MPI: variants seen among roughly 807,000 people sequenced by gnomAD.
MPI encodes mannose phosphate isomerase.
In MPI, 33 loss-of-function variants were observed where a neutral mutation model predicts 40.1. The ratio of observed to expected loss-of-function variants is 0.82; its 90% confidence interval spans 0.62 to 1.10. The LOEUF (loss-of-function observed/expected upper bound fraction) is 1.10. Among genes scored for constraint, MPI ranks in the 50% least tolerant of loss-of-function variants. The pLI, the probability that MPI is intolerant of heterozygous loss-of-function variation, is 0.00. For missense variants in MPI, 514 were observed against 524.1 expected, an observed-to-expected ratio of 0.98 and a Z score of 0.19; for synonymous variants, 187 against 207.4, an observed-to-expected ratio of 0.90 and a Z score of 0.85.
At chr15:74,896,502 C>G (rs2064820704) in intron 6 of MPI, 177 bp downstream of exon 6, 2 of 735,282 alleles carry the variant, frequency 2.7e-6, no homozygotes, top group Non-Finnish European at 4.8e-6. Context: ...ATGCATTTAG[C>G]ATTGAACACG....
chr15:74,896,305 C>T lies in MPI; in HGVS notation c.824C>T (p.Pro275Leu). 1.9e-6 allele frequency: 3 copies of T among 1,614,158 alleles called. No individual in the cohort carries two copies. The highest frequency in any genetic ancestry group is 2.5e-6 in the Non-Finnish European group (3 of 1,180,032). ...GEAMFLEANVPHAYLKGDCVE... is the reference protein window; with the variant it reads ...GEAMFLEANVLHAYLKGDCVE... ...GCCATGTTTCTGGAGGCCAACGTAC[C>T]CCATGCCTACCTGAAAGGAGGTGAG... is the stretch of plus-strand genomic sequence containing the variant. The change falls in exon 6 of 8, where the codon CCC becomes CTC. Residue 275 changes from proline to leucine, a missense_variant. Transcript: ENST00000352410.
At position 74,896,401 on chromosome 15, in the gene MPI, GAAGGGTGGTC is replaced by G. The variant is rs1180950285; in HGVS notation, c.844+81_844+90del. On this transcript the variant is annotated intron_variant, in intron 6 of 7. Coordinates refer to ENST00000352410, the MANE Select transcript of MPI (RefSeq NM_002435.3). ...TTTCCCTATCTGGACAAAGGAAGGA[GAAGGGTGGTC>G]AAGGAGACCCCCAAGGACCTTGCAG... 7 of 1,572,018 alleles carry G rather than the reference GAAGGGTGGTC, an allele frequency of 4.5e-6. No individual in the cohort carries two copies. The Admixed American group carries it at 1.1e-4, about 24-fold the overall frequency.
rs1333829971 is a variant in MPI at position 74,896,999 on chromosome 15, CTG to C, written c.845-10_845-9del. 1.9e-6 allele frequency: 3 copies of C among 1,613,796 alleles called. No individual in the cohort carries two copies. The African/African-American group carries it at 4.0e-5, about 22-fold the overall frequency. On this transcript the variant is annotated splice_polypyrimidine_tract_variant and intron_variant, in intron 6 of 7. Coordinates refer to ENST00000352410, the MANE Select transcript of MPI (RefSeq NM_002435.3). Reference sequence around the variant, plus strand: ...ACTTCATCAGCTTAGCACATGACGACTGTCTCTCCAGACTGCGTGGAGTGCAT... The same window carrying C: ...ACTTCATCAGCTTAGCACATGACGACTCTCTCCAGACTGCGTGGAGTGCAT...
rs552737417 is a variant in MPI at position 74,900,302 on chromosome 15, A to G, written c.*2572A>G. On this transcript the variant is annotated 3_prime_UTR_variant, in exon 8 of 8. Coordinates refer to ENST00000352410, the MANE Select transcript of MPI (RefSeq NM_002435.3). ...TTTTTCTACAAGGTAACACCCTCCT[A>G]CATGGGGTCAGCCAGCTCAGAAACC... 1.3e-3 allele frequency: 192 copies of G among 152,446 alleles called. No individual in the cohort carries two copies. Among genetic ancestry groups the G allele is most frequent in the Non-Finnish European group, 2.3e-3 (159 of 68,136 alleles). The allele number at this position is 152,446 out of a possible 1,614,324, so 9.4% of individuals were successfully genotyped here. A position where few individuals can be genotyped will look rare whatever the true frequency, so the allele number is the denominator to read the frequency against.
At chr15:74,890,315 C>G in intron 1 of MPI, 5 of 847,636 alleles carry the variant, frequency 5.9e-6, no homozygotes, top group Non-Finnish European at 9.4e-6. Flanking sequence ...TCCCCGCCAC[C>G]CTGCCTCAGA....
Position 74,894,075 on chromosome 15 carries a change from TGTGTGTGTGTGTGTGTGTGTGTG to T in MPI, c.670+756_670+778del, listed in dbSNP as rs1218859725. ...GTGTGTGTGTGTGTGTGTGTGTGTG[TGTGTGTGTGTGTGTGTGTGTGTG>T]TGTGTGTGTGGTCTCTTTCTGTTGC... On this transcript the variant is annotated intron_variant, in intron 5 of 7. Coordinates refer to ENST00000352410, the MANE Select transcript of MPI (RefSeq NM_002435.3). Among the ~76,000 whole-genome samples the T allele has an allele frequency of 7.9e-3, 485 of 61,158 alleles. 26 individuals are homozygous for T. Among genetic ancestry groups the T allele is most frequent in the African/African-American group, 0.028 (446 of 15,880 alleles). The allele number at this position is 61,158 out of a possible 152,430, so 40.1% of individuals were successfully genotyped here. A position where few individuals can be genotyped will look rare whatever the true frequency, so the allele number is the denominator to read the frequency against.
rs371697141 is a variant in MPI, at chr15:74,901,728, A to G, written c.*3998A>G. The stretch of plus-strand genomic sequence containing the variant: ...TACTTCTCAAAAGTTTAAAAAGTAA[A>G]CAATAGGAAGGCACCGGACTGCTCC... On this transcript the variant is annotated 3_prime_UTR_variant, in exon 8 of 8. Coordinates refer to ENST00000352410, the MANE Select transcript of MPI (RefSeq NM_002435.3). The G allele has an allele frequency of 1.7e-5, 3 of 175,818 alleles. No homozygotes were observed. The highest frequency in any genetic ancestry group is 2.0e-4 in the South Asian group (1 of 5,058). The allele number at this position is 175,818 out of a possible 1,614,324, so 10.9% of individuals were successfully genotyped here.
intron 1 of MPI, 125 bp downstream of exon 1, chr15:74,890,214 C>A: frequency 2.1e-6 from 3 of 1,402,080 alleles, no homozygotes; most frequent in Non-Finnish European, 2.9e-6. Context: ...GGGTGCCGGG[C>A]AGAGGTGTGG....
rs1164219308 is a variant in MPI at position 74,898,443 on chromosome 15, G to A, written c.*713G>A. ...AGGCACAGCTTGCAAGCAGGCCTTG[G>A]GTCTGCCCAGAGGCACAGCTTGCAA... On this transcript the variant is annotated 3_prime_UTR_variant, in exon 8 of 8. Transcript: ENST00000352410. 6.1e-6 allele frequency: 1 copy of A among 163,964 alleles called. No homozygotes were observed. Among genetic ancestry groups the A allele is most frequent in the African/African-American group, 2.4e-5 (1 of 41,582 alleles). The allele number at this position is 163,964 out of a possible 1,614,324, so 10.2% of individuals were successfully genotyped here.
intron 1 of MPI, 31 bp from the exon 2 acceptor site, chr15:74,890,496 G>A (rs1263141206): frequency 1.2e-6 from 2 of 1,613,326 alleles, no homozygotes; most frequent in Admixed American, 3.3e-5. Context: ...CTGAGGAGTG[G>A]AGTGGCAGCT....
chr15:74,901,874 CAAAT>C lies in MPI; in HGVS notation c.*4154_*4157del. ...GAAACTCACCCAGACCAAGGAAATA[CAAAT>C]AAATAAATATGAACATGTCAGAGCA... On this transcript the variant is annotated 3_prime_UTR_variant, in exon 8 of 8. Coordinates refer to ENST00000352410, the MANE Select transcript of MPI (RefSeq NM_002435.3). The C allele has an allele frequency of 2.7e-6, 1 of 376,474 alleles. No individual in the cohort carries two copies. Among genetic ancestry groups the C allele is most frequent in the Non-Finnish European group, 4.7e-6 (1 of 212,972 alleles). 23.3% of individuals were successfully genotyped at this position (376,474 alleles called of 1,614,324 possible).
At chr15:74,891,214 C>T (rs1884843862) in intron 2 of MPI, among the ~76,000 whole-genome samples, 165 bp from the exon 3 acceptor site, 2 of 152,236 alleles carry the variant, frequency 1.3e-5, no homozygotes, top group Admixed American at 6.5e-5. Flanking sequence ...GGGTCTACTG[C>T]CTCCCTGTAT....
At chr15:74,894,256 T>A (rs1480469954) in intron 5 of MPI, among the ~76,000 whole-genome samples, 2 of 151,836 alleles carry the variant, frequency 1.3e-5, no homozygotes, top group African/African-American at 2.4e-5. Flanking sequence ...GTTAAGTTTT[T>A]ATATTTTAGT....
rs2064779505 is a variant in MPI, at chr15:74,894,107, TG to T, written c.670+789del. Among the ~76,000 whole-genome samples the T allele has an allele frequency of 6.6e-5, 4 of 61,000 alleles. 1 individual carries two copies. Among genetic ancestry groups the T allele is most frequent in the Non-Finnish European group, 1.9e-4 (4 of 21,582 alleles). 40.0% of individuals were successfully genotyped at this position (61,000 alleles called of 152,430 possible). ...GTGTGTGTGTGTGTGTGTGTGTGTG[TG>T]GTCTCTTTCTGTTGCCCCAGGCTGG... On this transcript the variant is annotated intron_variant, in intron 5 of 7. Coordinates refer to ENST00000352410, the MANE Select transcript of MPI (RefSeq NM_002435.3).
At chr15:74,895,271 A>G (rs67411922) in intron 5 of MPI, among the ~76,000 whole-genome samples, 101,663 of 149,684 alleles carry the variant, frequency 0.68, 34,634 homozygotes, top group East Asian at 0.88. Flanking sequence ...CACCGCGCCC[A>G]GCTGAGACAC....
intron 6 of MPI, chr15:74,896,569 C>A: frequency 1.5e-6 from 1 of 664,342 alleles, no homozygotes; most frequent in Non-Finnish European, 2.7e-6. Context: ...TAAGTCCTGC[C>A]AGTCAGTGTG....
At position 74,897,855 on chromosome 15, in the gene MPI, G is replaced by T. The variant is rs1252524053; in HGVS notation, c.*125G>T. 2.1e-6 allele frequency: 2 copies of T among 936,916 alleles called. No individual in the cohort carries two copies. Among genetic ancestry groups the T allele is most frequent in the Non-Finnish European group, 3.4e-6 (2 of 593,510 alleles). 58.0% of individuals were successfully genotyped at this position (936,916 alleles called of 1,614,324 possible). Reference sequence around the variant, plus strand: ...CCTTAGGTATACCCTGGAAGAGCTGGGGTGGGGGAGGAGGGAGCGTGAAGG... The same window carrying T: ...CCTTAGGTATACCCTGGAAGAGCTGTGGTGGGGGAGGAGGGAGCGTGAAGG... On this transcript the variant is annotated 3_prime_UTR_variant, in exon 8 of 8. Transcript: ENST00000352410.
intron 2 of MPI, chr15:74,891,132 T>C (rs1567264875): frequency 3.3e-6 from 2 of 612,494 alleles, no homozygotes. Context: ...ACAAAGAAGA[T>C]ACATCTAAAG....
At chr15:74,890,478 G>T in intron 1 of MPI, 49 bp from the exon 2 acceptor site, 1 of 1,613,136 alleles carries the variant, frequency 6.2e-7, no homozygotes, top group Non-Finnish European at 8.5e-7. Flanking sequence ...GGGACACTAG[G>T]GTGGGGCCTG....
Sources: allele counts gnomAD v4.1 joint callset (sites outside exome capture counted in the v4.1 genomes callset), GRCh38; gene constraint gnomAD v4.1.1; transcripts MANE v1.5; gene names NCBI Gene and HGNC (gene_info 2026-07-23, HGNC 2026-07-21).